The following PLCB4 variants were observed in gnomAD, a reference collection of about 807,000 sequenced individuals.
The protein encoded by PLCB4 is phospholipase C beta 4, also known as 1-phosphatidylinositol 4,5-bisphosphate phosphodiesterase beta-4.
In PLCB4, 77 loss-of-function variants were observed where a neutral mutation model predicts 178.8. That is an observed-to-expected ratio of 0.43 (90% CI 0.36 to 0.52). The LOEUF (loss-of-function observed/expected upper bound fraction) is 0.52. PLCB4 is among the 20% of genes least tolerant of loss of function. The pLI is 0.00. For synonymous variants in PLCB4, 496 were observed against 490.8 expected, an observed-to-expected ratio of 1.01 and a Z score of -0.14; for missense variants, 1,024 against 1,453.4, an observed-to-expected ratio of 0.70 and a Z score of 4.80.
At chr20:9,125,389 A>C (rs1247147352) in intron 2 of PLCB4, among the ~76,000 whole-genome samples, 1 of 152,214 alleles carries the variant, frequency 6.6e-6, no homozygotes, top group Non-Finnish European at 1.5e-5. Flanking sequence ...GGTAAGAAGT[A>C]AAAATGGATT....
chr20:9,309,696 T>TATACATGCA (rs1157073481), intron 4 of PLCB4, among the ~76,000 whole-genome samples: 32 of 152,330 alleles, frequency 2.1e-4, no homozygotes, highest in Admixed American at 2.1e-3. Context: ...CAATCATTGG[T>TATACATGCA]TCAGTATATC....
intron 4 of PLCB4, among the ~76,000 whole-genome samples, chr20:9,321,972 G>A (rs138606991): frequency 0.033 from 4,480 of 136,250 alleles, 194 homozygotes; most frequent in African/African-American, 0.1. Context: ...TTTTGATACA[G>A]GACCTCACTC....
chr20:9,124,404 G>C (rs977649628), intron 2 of PLCB4, among the ~76,000 whole-genome samples: 2 of 152,094 alleles, frequency 1.3e-5, no homozygotes, highest in Non-Finnish European at 2.9e-5. Context: ...AGATGGGATG[G>C]GAGGATCCCT....
chr20:9,478,860 T>A, intron 39 of PLCB4, 61 bp from the exon 40 acceptor site: 1 of 1,214,482 alleles, frequency 8.2e-7, no homozygotes, highest in Middle Eastern at 1.9e-4. Context: ...GAGGCCAGGG[T>A]TGTTAAGTGC....
At chr20:9,412,109 C>T (rs2039902797) in intron 25 of PLCB4, among the ~76,000 whole-genome samples, 2 of 152,224 alleles carry the variant, frequency 1.3e-5, no homozygotes, top group South Asian at 4.1e-4. Context: ...CCTACATTTT[C>T]CTCTGCTGTG....
intron 3 of PLCB4, among the ~76,000 whole-genome samples, chr20:9,264,274 A>G (rs556848459): frequency 1.8e-4 from 28 of 152,302 alleles, no homozygotes; most frequent in African/African-American, 6.3e-4. Context: ...TATACTCCCT[A>G]AAAGGCCCTG....
intron 10 of PLCB4, 35 bp downstream of exon 10, chr20:9,371,330 ATTTT>A: frequency 9.8e-6 from 11 of 1,117,808 alleles, no homozygotes; most frequent in South Asian, 3.9e-5. Flanking sequence ...TTCTAAAACC[ATTTT>A]GTTTATTTAT....
chr20:9,387,605 C>A (rs986348659), intron 15 of PLCB4, 49 bp downstream of exon 15: 2 of 856,048 alleles, frequency 2.3e-6, no homozygotes, highest in African/African-American at 1.7e-5. Flanking sequence ...TGTGAAAATG[C>A]AGGAAATAGG....
chr20:9,467,446 T>A (rs200804608), intron 35 of PLCB4, among the ~76,000 whole-genome samples: 3 of 150,706 alleles, frequency 2.0e-5, no homozygotes, highest in African/African-American at 7.3e-5. Context: ...AATAAATAAA[T>A]AAAATAAATC....
At chr20:9,294,125 T>C (rs1027313158) in intron 3 of PLCB4, among the ~76,000 whole-genome samples, 11 of 152,300 alleles carry the variant, frequency 7.2e-5, no homozygotes, top group Admixed American at 1.3e-4. Flanking sequence ...AATTTGCTGG[T>C]TGACTCTTAC....
At chr20:9,327,002 G>A (rs542461838) in intron 4 of PLCB4, among the ~76,000 whole-genome samples, 1 of 152,106 alleles carries the variant, frequency 6.6e-6, no homozygotes, top group South Asian at 2.1e-4. Flanking sequence ...CATCCTCTTG[G>A]GTGACTTGCC....
At chr20:9,084,977 C>T (rs4816120) in intron 1 of PLCB4, among the ~76,000 whole-genome samples, 70,093 of 149,082 alleles carry the variant, frequency 0.47, 17,135 homozygotes, top group Middle Eastern at 0.57. Flanking sequence ...GGCGTGAACC[C>T]GGGAGGTGGA....
intron 23 of PLCB4, 126 bp from the exon 24 acceptor site, chr20:9,408,931 G>A: frequency 1.2e-6 from 1 of 856,594 alleles, no homozygotes; most frequent in South Asian, 1.6e-5. Flanking sequence ...TTGTAAATGT[G>A]AAATCTGCTC....
At chr20:9,207,036 A>G (rs566124027) in intron 2 of PLCB4, among the ~76,000 whole-genome samples, 1 of 152,266 alleles carries the variant, frequency 6.6e-6, no homozygotes, top group South Asian at 2.1e-4. Context: ...GAATCACTTG[A>G]ACCCGGGAGG....
At chr20:9,458,841 A>T (rs8115575) in intron 34 of PLCB4, among the ~76,000 whole-genome samples, 1,538 of 152,326 alleles carry the variant, frequency 0.01, 30 homozygotes, top group African/African-American at 0.035. Flanking sequence ...AGGCACTGCA[A>T]AACCCCACTG....
At position 9,478,997 on chromosome 20, in the gene PLCB4, A is replaced by G. The variant is rs746709075; in HGVS notation, c.3609A>G (p.Gln1203=). The change falls in exon 40 of 40, where the codon CAA becomes CAG. Residue 1203 remains glutamine (Q), a synonymous_variant. Transcript: ENST00000378473. Reference sequence around the variant, plus strand: ...CCAGCAACAGTAGTATGAAACTCCAAAATGCAAACTGAAGCAGCAAACCCA... The same window carrying G: ...CCAGCAACAGTAGTATGAAACTCCAGAATGCAAACTGAAGCAGCAAACCCA... ...PQTSNSSMKL[Q]NAN The G allele has an allele frequency of 2.0e-5, 33 of 1,612,498 alleles. No homozygotes were observed. The South Asian group carries it at 3.5e-4, about 17-fold the overall frequency.
At chr20:9,219,426 G>A (rs1048264901) in intron 3 of PLCB4, among the ~76,000 whole-genome samples, 8 of 152,194 alleles carry the variant, frequency 5.3e-5, no homozygotes, top group East Asian at 1.9e-4. Flanking sequence ...CCGAGATGGC[G>A]CCACTGCACT....
chr20:9,137,618 A>G, intron 2 of PLCB4, among the ~76,000 whole-genome samples: 1 of 152,124 alleles, frequency 6.6e-6, no homozygotes, highest in East Asian at 1.9e-4. Context: ...GAAGGGTGAA[A>G]TGGATCTATC....
chr20:9,473,350 G>A lies in PLCB4; in HGVS notation c.3480G>A (p.Glu1160=), dbSNP rs773102868. Residue 1160 remains glutamate, a synonymous_variant, in exon 38 of 40, where the codon GAG becomes GAA. Transcript: ENST00000378473. Reference sequence around the variant, plus strand: ...AGCTTGAACATCTAGAATTCCTAGAGAAACAGAATGAGCAGGTATTTTACC... The same window carrying A: ...AGCTTGAACATCTAGAATTCCTAGAAAAACAGAATGAGCAGGTATTTTACC... ...KVQLEHLEFL[E]KQNEQLLKSC... 1 of 1,586,454 alleles carries A rather than the reference G, an allele frequency of 6.3e-7. No individual in the cohort carries two copies. Among genetic ancestry groups the A allele is most frequent in the Non-Finnish European group, 8.6e-7 (1 of 1,160,654 alleles).
Sources: allele counts gnomAD v4.1 joint callset (sites outside exome capture counted in the v4.1 genomes callset), GRCh38; gene constraint gnomAD v4.1.1; transcripts MANE v1.5; gene names NCBI Gene and HGNC (gene_info 2026-07-23, HGNC 2026-07-21).